The following CNTNAP5 variants were observed in gnomAD, a reference collection of about 807,000 sequenced individuals.
CNTNAP5 encodes the protein contactin associated protein family member 5.
CNTNAP5 carries 72 observed loss-of-function variants against 150.2 expected under a neutral mutation model. The ratio of observed to expected loss-of-function variants is 0.48; its 90% CI spans 0.40 to 0.58. The LOEUF (loss-of-function observed/expected upper bound fraction) is 0.58. Ranked by LOEUF, CNTNAP5 falls within the 20% of genes least tolerant of loss-of-function variation. CNTNAP5 has a pLI of 0.00. For missense variants in CNTNAP5, 1,636 were observed against 1,626.2 expected (o/e 1.01, Z -0.10); for synonymous variants, 672 against 619.8 (o/e 1.08, Z -1.25).
At chr2:124,561,270 G>A (rs566464473) in intron 10 of CNTNAP5, among the ~76,000 whole-genome samples, 4 of 152,304 alleles carry the variant, frequency 2.6e-5, no homozygotes, top group African/African-American at 7.2e-5. Context: ...AGGAAACAGC[G>A]TGTGGGGACA....
At chr2:124,183,902 T>C (rs1486203096) in intron 1 of CNTNAP5, among the ~76,000 whole-genome samples, 2 of 152,114 alleles carry the variant, frequency 1.3e-5, no homozygotes, top group Non-Finnish European at 2.9e-5. Flanking sequence ...ACAAAAGTAA[T>C]AGCGAAAACC....
chr2:124,829,958 C>T (rs927919040), intron 19 of CNTNAP5, among the ~76,000 whole-genome samples: 1 of 151,324 alleles, frequency 6.6e-6, no homozygotes, highest in African/African-American at 2.4e-5. Context: ...ACATTAATAA[C>T]ATTTATAAAA....
At chr2:124,324,647 C>T (rs1689173828) in intron 3 of CNTNAP5, among the ~76,000 whole-genome samples, 1 of 152,064 alleles carries the variant, frequency 6.6e-6, no homozygotes, top group Non-Finnish European at 1.5e-5. Context: ...CTTTGATAGC[C>T]TTGTAAACTG....
intron 4 of CNTNAP5, among the ~76,000 whole-genome samples, chr2:124,419,107 G>A (rs1286773669): frequency 3.2e-5 from 4 of 123,510 alleles, no homozygotes; most frequent in African/African-American, 5.7e-5. Context: ...GCAGTCCGCC[G>A]TCCGGCCTGG....
chr2:124,178,830 T>C (rs1436777239), intron 1 of CNTNAP5, among the ~76,000 whole-genome samples: 1 of 152,148 alleles, frequency 6.6e-6, no homozygotes, highest in Non-Finnish European at 1.5e-5. Context: ...AGACTTCATA[T>C]AGCCTGTAAA....
intron 6 of CNTNAP5, among the ~76,000 whole-genome samples, chr2:124,472,756 A>G (rs947233705): frequency 6.6e-6 from 1 of 151,898 alleles, no homozygotes; most frequent in African/African-American, 2.4e-5. Flanking sequence ...TAATCACATT[A>G]TATTTGAAAT....
intron 13 of CNTNAP5, among the ~76,000 whole-genome samples, chr2:124,660,035 G>A (rs1011429366): frequency 1.1e-5 from 1 of 91,630 alleles, no homozygotes; most frequent in Non-Finnish European, 2.3e-5. Flanking sequence ...AGGAAGGAAG[G>A]AAGGAAGAAA....
intron 1 of CNTNAP5, among the ~76,000 whole-genome samples, chr2:124,035,005 T>TCCCC (rs1681172134): frequency 2.2e-5 from 1 of 46,336 alleles, no homozygotes; most frequent in African/African-American, 7.5e-5. Flanking sequence ...TCCCCTCCCC[T>TCCCC]CCCCTCCCCT....
At chr2:124,576,511 A>C (rs1696285503) in intron 11 of CNTNAP5, among the ~76,000 whole-genome samples, 1 of 152,226 alleles carries the variant, frequency 6.6e-6, no homozygotes. Context: ...AGGCCATCAG[A>C]GGAGAAGCTG....
At chr2:124,408,005 G>T (rs1691622912) in intron 3 of CNTNAP5, among the ~76,000 whole-genome samples, 2 of 152,172 alleles carry the variant, frequency 1.3e-5, no homozygotes, top group Admixed American at 6.5e-5. Flanking sequence ...CCAGACAGTG[G>T]GCGCAGGTCA....
intron 22 of CNTNAP5, 108 bp from the exon 23 acceptor site, chr2:124,911,359 G>T: frequency 1.3e-6 from 1 of 745,494 alleles, no homozygotes; most frequent in South Asian, 1.5e-5. Context: ...ACTATTTGAG[G>T]GCACCTGGTG....
At chr2:124,196,224 GTGA>G (rs1011716174) in intron 1 of CNTNAP5, among the ~76,000 whole-genome samples, 3 of 152,116 alleles carry the variant, frequency 2.0e-5, no homozygotes, top group Non-Finnish European at 4.4e-5. Flanking sequence ...CTGTCCCTAG[GTGA>G]GAAGGGCTAA....
At chr2:124,808,703 A>T (rs182478243) in intron 19 of CNTNAP5, among the ~76,000 whole-genome samples, 91 of 152,272 alleles carry the variant, frequency 6.0e-4, no homozygotes, top group Middle Eastern at 3.4e-3. Flanking sequence ...ATATGAACTC[A>T]CTGTGGGAAA....
chr2:124,229,926 A>T (rs1024909238), intron 2 of CNTNAP5, among the ~76,000 whole-genome samples: 4 of 151,758 alleles, frequency 2.6e-5, no homozygotes, highest in African/African-American at 7.3e-5. Flanking sequence ...TTTGGAAACC[A>T]TTATGTTTAT....
In CNTNAP5 at chr2:124,453,711, G is replaced by A. The variant is rs374657382; in HGVS notation, c.918+6774G>A. Among the ~76,000 whole-genome samples the A allele has an allele frequency of 1.2e-4, 18 of 152,212 alleles. No individual in the cohort carries two copies. The East Asian group carries it at 3.5e-3, about 29-fold the overall frequency. ...CAGCACAAATCCTACAAGCTAGAAG[G>A]GATTGGGGCCTTATCTTCAACTTCC... On this transcript the variant is annotated intron_variant, in intron 6 of 23. Transcript: ENST00000682447.
intron 13 of CNTNAP5, among the ~76,000 whole-genome samples, chr2:124,670,233 CTTTCT>C (rs1368580232): frequency 2.4e-5 from 3 of 125,796 alleles, no homozygotes; most frequent in Admixed American, 8.3e-5. Context: ...TTCTTTCTTT[CTTTCT>C]TTTCTTTCTT....
intron 3 of CNTNAP5, among the ~76,000 whole-genome samples, chr2:124,307,371 C>G (rs1279912474): frequency 6.6e-6 from 1 of 152,128 alleles, no homozygotes; most frequent in South Asian, 2.1e-4. Context: ...TCTCCAAGTA[C>G]CATTACACTG....
intron 5 of CNTNAP5, among the ~76,000 whole-genome samples, chr2:124,442,426 A>G (rs1398251267): frequency 6.6e-6 from 1 of 152,224 alleles, no homozygotes; most frequent in African/African-American, 2.4e-5. Flanking sequence ...TTCTCCTGCC[A>G]TTTTAAAGTT....
At chr2:124,181,038 A>C (rs1296207591) in intron 1 of CNTNAP5, among the ~76,000 whole-genome samples, 1 of 148,986 alleles carries the variant, frequency 6.7e-6, no homozygotes, top group Admixed American at 6.7e-5. Flanking sequence ...GCCAGAATTT[A>C]AAAAAAAAAA....
Sources: gnomAD v4.1 joint callset for allele counts (sites outside exome capture counted in the v4.1 genomes callset) on GRCh38, gnomAD v4.1.1 for gene constraint, MANE v1.5 for transcripts, NCBI Gene and HGNC (gene_info 2026-07-23, HGNC 2026-07-21) for gene names.